IGFN1: variants seen among roughly 807,000 people sequenced by gnomAD.
IGFN1 encodes the protein immunoglobulin like and fibronectin type III domain containing 1, also known as immunoglobulin-like and fibronectin type III domain-containing protein 1.
IGFN1 carries 253 observed loss-of-function variants against 289.5 expected under a neutral mutation model. That is an observed-to-expected ratio of 0.87 (90% confidence interval 0.79 to 0.97). The LOEUF is 0.97. Ranked by LOEUF, IGFN1 falls within the 50% of genes least tolerant of loss-of-function variation. The pLI is 0.00. For missense variants in IGFN1, 4,470 were observed against 4,686.1 expected, an observed-to-expected ratio of 0.95 and a Z score of 1.35; for synonymous variants, 1,706 against 1,788.5, an observed-to-expected ratio of 0.95 and a Z score of 1.16.
Position 201,207,865 on chromosome 1 carries a change from G to A in IGFN1, c.2972G>A (p.Cys991Tyr). ...ATGGGGTCCGGCCATGGTGCTGGTT[G>A]TAGAGTTTCCCCTAGGGCACCTGCG... ...GEMGSGHGAG[C>Y]RVSPRAPAGV... The change falls in exon 12 of 24, where the codon TGT (cysteine) becomes TAT (tyrosine). Residue 991 changes from cysteine (C) to tyrosine (Y), a missense_variant. This residue lies in a region of IGFN1 where 2,011 missense variants were observed against 1,953.4 expected (regional missense o/e 1.03). Transcript: ENST00000335211. The A allele has an allele frequency of 3.3e-6, 5 of 1,536,386 alleles. No homozygotes were observed. The highest frequency in any genetic ancestry group is 3.5e-6 in the Non-Finnish European group (4 of 1,146,444).
Position 201,201,826 on chromosome 1 carries a change from G to A in IGFN1, c.741G>A (p.Leu247=). ...DLKDSQSKIY[L]YKDGEMIPYG... is the part of the protein sequence containing the mutation. Reference sequence around the variant, plus strand: ...AGGATTCTCAGAGCAAGATTTACCTGTATAAGGTGAGGCTGGAGGGGCTAT... The same window carrying A: ...AGGATTCTCAGAGCAAGATTTACCTATATAAGGTGAGGCTGGAGGGGCTAT... The change falls in exon 9 of 24, where the codon CTG becomes CTA. Residue 247 remains leucine, a synonymous_variant. Transcript: ENST00000335211. The A allele has an allele frequency of 8.4e-7, 1 of 1,194,650 alleles. No individual in the cohort carries two copies. Among genetic ancestry groups the A allele is most frequent in the Non-Finnish European group, 1.2e-6 (1 of 835,132 alleles). 74.0% of individuals were successfully genotyped at this position (1,194,650 alleles called of 1,614,324 possible).
In IGFN1 at chr1:201,209,167, G is replaced by C. The variant is rs1667583394; in HGVS notation, c.4274G>C (p.Arg1425Thr). 6 of 1,509,720 alleles carry C rather than the reference G, an allele frequency of 4.0e-6. No individual in the cohort carries two copies. The highest frequency in any genetic ancestry group is 5.3e-6 in the Non-Finnish European group (6 of 1,135,676). The allele number at this position is 1,509,720 out of a possible 1,614,324, so 93.5% of individuals were successfully genotyped here. A position where few individuals can be genotyped will look rare whatever the true frequency, so the allele number is the denominator to read the frequency against. Reference protein sequence around the residue: ...GGYGEMGSGYREDLGAPEGMG... With the variant: ...GGYGEMGSGYTEDLGAPEGMG... ...TATGGGGAAATGGGGTCAGGTTATAGGGAGGATTTGGGGGCTCCTGAGGGA... is the reference window on the plus strand; with the variant it reads ...TATGGGGAAATGGGGTCAGGTTATACGGAGGATTTGGGGGCTCCTGAGGGA... Residue 1425 changes from arginine (R) to threonine (T), a missense_variant, in exon 12 of 24, where the codon AGG (arginine) becomes ACG (threonine). Arg to Thr is a moderately conservative substitution (Grantham distance 71). Around this residue, in one of 8 missense-constraint regions of IGFN1, gnomAD observed 2,011 missense variants for 1,953.4 expected, o/e 1.03. Coordinates refer to ENST00000335211, the MANE Select transcript of IGFN1 (RefSeq NM_001164586.2).
chr1:201,197,458 T>G, intron 5 of IGFN1, 141 bp downstream of exon 5: 1 of 635,214 alleles, frequency 1.6e-6, no homozygotes, highest in South Asian at 1.8e-5. Context: ...AGCCCCACCT[T>G]GTGCTGGGCC....
At chr1:201,226,496 A>T (rs1389915840) in intron 22 of IGFN1, among the ~76,000 whole-genome samples, 2 of 152,234 alleles carry the variant, frequency 1.3e-5, no homozygotes, top group Non-Finnish European at 2.9e-5. Context: ...AAGATCAGTC[A>T]CAGAAAAGCA....
At position 201,212,761 on chromosome 1, in the gene IGFN1, A is replaced by G. The variant is rs1233765195; in HGVS notation, c.7868A>G (p.Asn2623Ser). Reference protein sequence around the residue: ...SGPADRQGTSNAWAPDWENQG... With the variant: ...SGPADRQGTSSAWAPDWENQG... ...CCTGCTGATAGACAAGGGACGAGCA[A>G]TGCTTGGGCTCCTGATTGGGAAAAC... Residue 2623 changes from asparagine (N) to serine (S), a missense_variant, in exon 12 of 24, where the codon AAT becomes AGT. By Grantham distance (46) the Asn-to-Ser change is conservative. Coordinates refer to ENST00000335211, the MANE Select transcript of IGFN1 (RefSeq NM_001164586.2). 6.4e-7 allele frequency: 1 copy of G among 1,551,552 alleles called. No homozygotes were observed. Among genetic ancestry groups the G allele is most frequent in the Non-Finnish European group, 8.7e-7 (1 of 1,146,906 alleles).
chr1:201,204,427 C>A (rs1667306816), intron 10 of IGFN1, among the ~76,000 whole-genome samples: 1 of 152,232 alleles, frequency 6.6e-6, no homozygotes, highest in African/African-American at 2.4e-5. Flanking sequence ...TCTCAGAGCA[C>A]CTGCCAGCTC....
At chr1:201,222,647 T>C (rs1459653090) in intron 19 of IGFN1, 92 bp from the exon 20 acceptor site, 6 of 788,826 alleles carry the variant, frequency 7.6e-6, no homozygotes, top group Non-Finnish European at 8.6e-6. Context: ...ACTGGCCCAG[T>C]CTTCCCCTCC....
At chr1:201,215,483 T>C (rs1276159598) in intron 14 of IGFN1, 56 bp from the exon 15 acceptor site, 2 of 1,451,982 alleles carry the variant, frequency 1.4e-6, no homozygotes, top group African/African-American at 1.4e-5. Flanking sequence ...CTCCTTTCTA[T>C]ATTCCCCAGG....
At chr1:201,193,339 G>A in intron 2 of IGFN1, 39 bp downstream of exon 2, 1 of 1,504,722 alleles carries the variant, frequency 6.6e-7, no homozygotes, top group African/African-American at 1.4e-5. Context: ...AGCCCTCCCT[G>A]GCGATCCTTA....
chr1:201,213,332 C>A lies in IGFN1; in HGVS notation c.8439C>A (p.Gly2813=). Residue 2813 remains glycine (G), a synonymous_variant, in exon 12 of 24, where the codon GGC becomes GGA. Transcript: ENST00000335211. ...CTGGGAGGTCAGGCAGGAGGCCTGG[C>A]TCACTCAGGAGCAGGTCTCAGGCAC... is the stretch of plus-strand genomic sequence containing the variant. ...EEAGRSGRRP[G]SLRSRSQAQS... The A allele has an allele frequency of 6.3e-7, 1 of 1,595,818 alleles. No individual in the cohort carries two copies. The highest frequency in any genetic ancestry group is 2.3e-5 in the East Asian group (1 of 43,996).
In IGFN1 at chr1:201,211,150, C is replaced by A. The variant is rs1425419189; in HGVS notation, c.6257C>A (p.Thr2086Lys). ...AAGGGAATGGGTTCAGGGAGTAAGA[C>A]AGGTTTCAGGGATGGTTTAGGGGGT... ...APKGMGSGSK[T>K]GFRDGLGGSE... Residue 2086 changes from threonine to lysine, a missense_variant, in exon 12 of 24, where the codon ACA becomes AAA. Thr to Lys is a moderately conservative substitution (Grantham distance 78). This residue lies in a region of IGFN1 where 2,218 missense variants were observed against 2,114.1 expected (regional missense o/e 1.05). Transcript: ENST00000335211. The A allele has an allele frequency of 7.9e-6, 12 of 1,526,558 alleles. No individual in the cohort carries two copies. Among genetic ancestry groups the A allele is most frequent in the South Asian group, 3.6e-5 (3 of 83,662 alleles). The allele number at this position is 1,526,558 out of a possible 1,614,324, so 94.6% of individuals were successfully genotyped here. A position where few individuals can be genotyped will look rare whatever the true frequency, so the allele number is the denominator to read the frequency against.
Position 201,216,758 on chromosome 1 carries a change from G to C in IGFN1, c.9595+5G>C. On this transcript the variant is annotated splice_donor_5th_base_variant and intron_variant, in intron 16 of 23. Coordinates refer to ENST00000335211, the MANE Select transcript of IGFN1 (RefSeq NM_001164586.2). ...AGATATTGGTGGCTCCTGAGGGTGA[G>C]AGAAAAGGCTGGGGCTGGGGGTGGG... The C allele has an allele frequency of 1.3e-6, 2 of 1,593,026 alleles. No individual in the cohort carries two copies. The highest frequency in any genetic ancestry group is 1.7e-6 in the Non-Finnish European group (2 of 1,167,928).
intron 23 of IGFN1, 25 bp from the exon 24 acceptor site, chr1:201,228,361 A>G: frequency 6.2e-7 from 1 of 1,613,722 alleles, no homozygotes; most frequent in Non-Finnish European, 8.5e-7. Flanking sequence ...CCTCTGAACC[A>G]ACTGGAATAT....
Position 201,214,257 on chromosome 1 carries a change from A to G in IGFN1, c.8809A>G (p.Thr2937Ala). The G allele has an allele frequency of 6.2e-7, 1 of 1,613,380 alleles. No individual in the cohort carries two copies. The highest frequency in any genetic ancestry group is 8.5e-7 in the Non-Finnish European group (1 of 1,179,550). Reference sequence around the variant, plus strand: ...GGCCGCCACACTCTCCTGTACCCTCACCAGTGACCTGGGACCTGGCACCTG... The same window carrying G: ...GGCCGCCACACTCTCCTGTACCCTCGCCAGTGACCTGGGACCTGGCACCTG... ...GEAATLSCTL[T>A]SDLGPGTWFK... The change falls in exon 13 of 24, where the codon ACC becomes GCC. Residue 2937 changes from threonine to alanine, a missense_variant. By Grantham distance (58) the Thr-to-Ala change is moderately conservative. Around this residue, in one of 8 missense-constraint regions of IGFN1, gnomAD observed 2,218 missense variants for 2,114.1 expected, o/e 1.05. Coordinates refer to ENST00000335211, the MANE Select transcript of IGFN1 (RefSeq NM_001164586.2).
At chr1:201,204,218 T>G (rs1039224868) in intron 10 of IGFN1, among the ~76,000 whole-genome samples, 1 of 152,256 alleles carries the variant, frequency 6.6e-6, no homozygotes, top group African/African-American at 2.4e-5. Context: ...CCAGACTAAT[T>G]GCACAGCCTC....
rs1317563308 is a variant in IGFN1 at position 201,217,360 on chromosome 1, A to C, written c.9669A>C (p.Ala3223=). ...AGGGCATCACACTGACATGGACAGC[A>C]CCTCGGGGCCCCGGCAGCGCCCACA... ...SSQGITLTWT[A]PRGPGSAHIL... The change falls in exon 17 of 24, where the codon GCA becomes GCC. Residue 3223 remains alanine (A), a synonymous_variant. Transcript: ENST00000335211. The C allele has an allele frequency of 1.2e-6, 2 of 1,614,058 alleles. No individual in the cohort carries two copies. Among genetic ancestry groups the C allele is most frequent in the East Asian group, 4.5e-5 (2 of 44,874 alleles).
At chr1:201,225,588 G>A (rs143614638) in intron 21 of IGFN1, among the ~76,000 whole-genome samples, 73 of 152,262 alleles carry the variant, frequency 4.8e-4, no homozygotes, top group South Asian at 2.9e-3. Context: ...GCCAGACTCC[G>A]TCTCAAAAAA....
intron 18 of IGFN1, among the ~76,000 whole-genome samples, chr1:201,219,995 ATTCT>A (rs1487499291): frequency 9.4e-6 from 1 of 106,578 alleles, no homozygotes; most frequent in Admixed American, 9.4e-5. Context: ...TCTGTCTGTC[ATTCT>A]TTCTTTCTCT....
At chr1:201,203,601 C>T (rs1225891388) in intron 9 of IGFN1, 137 bp from the exon 10 acceptor site, 3 of 743,706 alleles carry the variant, frequency 4.0e-6, no homozygotes, top group African/African-American at 1.8e-5. Context: ...CATCCCAGCT[C>T]CTCTATGGTT....
Sources: gnomAD v4.1 joint callset for allele counts (sites outside exome capture counted in the v4.1 genomes callset) on GRCh38, gnomAD v4.1.1 for gene constraint, gnomAD v4.1.1 regional missense constraint, MANE v1.5 for transcripts, NCBI Gene and HGNC (gene_info 2026-07-23, HGNC 2026-07-21) for gene names.